The following PDGFC variants were observed in gnomAD, a reference collection of about 807,000 sequenced individuals.
The protein encoded by PDGFC is platelet-derived growth factor C.
A neutral mutation model predicts 35.5 loss-of-function variants in PDGFC; 12 were observed. The observed-to-expected ratio is 0.34, with a 90% confidence interval of 0.22 to 0.55. The LOEUF (loss-of-function observed/expected upper bound fraction) is 0.55. Ranked by LOEUF, PDGFC falls within the 20% of genes least tolerant of loss-of-function variation. The probability of loss-of-function intolerance (pLI) is 0.91; values close to 1 mark genes in which losing one functional copy is unlikely to be tolerated. For synonymous variants in PDGFC, 159 were observed against 148.8 expected (o/e 1.07, Z -0.50); for missense variants, 322 against 412.4 (o/e 0.78, Z 1.90).
chr4:156,809,487 G>A (rs1333964231), intron 3 of PDGFC, among the ~76,000 whole-genome samples: 3 of 151,960 alleles, frequency 2.0e-5, no homozygotes, highest in African/African-American at 7.2e-5. Flanking sequence ...TATTAGTTAA[G>A]CTGGGTGACT....
intron 2 of PDGFC, among the ~76,000 whole-genome samples, chr4:156,833,396 A>T (rs1728990717): frequency 6.6e-6 from 1 of 152,200 alleles, no homozygotes; most frequent in East Asian, 1.9e-4. Flanking sequence ...CTGCACAATG[A>T]AACAGAGAGA....
intron 1 of PDGFC, among the ~76,000 whole-genome samples, chr4:156,968,369 G>A (rs559261317): frequency 2.4e-4 from 37 of 152,270 alleles, no homozygotes; most frequent in South Asian, 6.2e-4. Context: ...GATCTTCTAC[G>A]TGGTATCCTC....
intron 1 of PDGFC, among the ~76,000 whole-genome samples, chr4:156,851,930 CAAAAAAAAAAA>C (rs61505882): frequency 8.4e-4 from 40 of 47,886 alleles, no homozygotes; most frequent in Non-Finnish European, 1.5e-3. Flanking sequence ...GACTCCATCT[CAAAAAAAAAAA>C]AAAAAAAAAA....
chr4:156,808,108 G>A (rs771862215), intron 3 of PDGFC, among the ~76,000 whole-genome samples: 5 of 151,904 alleles, frequency 3.3e-5, no homozygotes, highest in African/African-American at 4.8e-5. Context: ...AGTCTACTGC[G>A]TTCCGGTTTA....
chr4:156,966,370 T>C (rs904878806), intron 1 of PDGFC, among the ~76,000 whole-genome samples: 1 of 152,074 alleles, frequency 6.6e-6, no homozygotes, highest in African/African-American at 2.4e-5. Flanking sequence ...AGTAAGTAAA[T>C]GAAGGGACTT....
chr4:156,866,175 C>G (rs1373402596), intron 1 of PDGFC, among the ~76,000 whole-genome samples: 1 of 152,042 alleles, frequency 6.6e-6, no homozygotes, highest in Non-Finnish European at 1.5e-5. Context: ...TCTCATTGTT[C>G]AATTCCCACC....
At chr4:156,910,946 C>T (rs1442928106) in intron 1 of PDGFC, among the ~76,000 whole-genome samples, 3 of 152,032 alleles carry the variant, frequency 2.0e-5, no homozygotes, top group Non-Finnish European at 4.4e-5. Context: ...TACACAAATC[C>T]TTTGTCAGAT....
chr4:156,803,976 A>C (rs1448855907), intron 3 of PDGFC, among the ~76,000 whole-genome samples: 2 of 152,098 alleles, frequency 1.3e-5, no homozygotes, highest in Admixed American at 1.3e-4. Flanking sequence ...ACCGTTGACA[A>C]AATTGATAGT....
At chr4:156,920,649 ACACACACACACACACACACAC>A (rs1560873573) in intron 1 of PDGFC, among the ~76,000 whole-genome samples, 1,157 of 98,872 alleles carry the variant, frequency 0.012, 15 homozygotes, top group African/African-American at 0.037. Context: ...AAGAAAACAC[ACACACACACACACACACACAC>A]ACACACACAC....
At chr4:156,939,011 A>G (rs1446932496) in intron 1 of PDGFC, among the ~76,000 whole-genome samples, 1 of 152,190 alleles carries the variant, frequency 6.6e-6, no homozygotes, top group East Asian at 1.9e-4. Flanking sequence ...GGTCAAAACC[A>G]GTACAGAATA....
intron 1 of PDGFC, among the ~76,000 whole-genome samples, chr4:156,853,281 T>G (rs1038818487): frequency 6.6e-6 from 1 of 152,178 alleles, no homozygotes; most frequent in African/African-American, 2.4e-5. Context: ...AAATACAATT[T>G]AAGAATGTTG....
At chr4:156,970,117 C>T (rs751721244) in intron 1 of PDGFC, among the ~76,000 whole-genome samples, 7 of 152,132 alleles carry the variant, frequency 4.6e-5, no homozygotes, top group Non-Finnish European at 8.8e-5. Context: ...GAAAGTAATT[C>T]TCATTTCCTA....
chr4:156,764,278 C>T (rs1243617848), intron 5 of PDGFC, among the ~76,000 whole-genome samples: 2 of 152,208 alleles, frequency 1.3e-5, no homozygotes, highest in East Asian at 1.9e-4. Flanking sequence ...ACAGAGAATG[C>T]ATACCTCACT....
chr4:156,868,226 T>C (rs1024289432), intron 1 of PDGFC, among the ~76,000 whole-genome samples: 7 of 152,192 alleles, frequency 4.6e-5, no homozygotes, highest in Non-Finnish European at 1.0e-4. Context: ...AATCTGAAAG[T>C]TTTAGTGACA....
At chr4:156,792,793 G>A (rs985774143) in intron 3 of PDGFC, among the ~76,000 whole-genome samples, 8 of 152,098 alleles carry the variant, frequency 5.3e-5, no homozygotes, top group Middle Eastern at 3.2e-3. Flanking sequence ...CATTTTATAA[G>A]CACTACAATG....
Position 156,926,319 on chromosome 4 carries a change from T to C in PDGFC, c.118+44467A>G, listed in dbSNP as rs957603522. 1.8e-4 allele frequency among the ~76,000 whole-genome samples: 28 copies of C among 151,988 alleles called. 1 individual carries two copies. The highest frequency in any genetic ancestry group is 3.4e-3 in the Middle Eastern group (1 of 294). The stretch of plus-strand genomic sequence containing the variant: ...CTGACCATGATAGAACCAAGAAAAC[T>C]CAGGAAAAAAGAGATTATTTTCATG... On this transcript the variant is annotated intron_variant, in intron 1 of 5. Coordinates refer to ENST00000502773, the MANE Select transcript of PDGFC (RefSeq NM_016205.3).
intron 1 of PDGFC, among the ~76,000 whole-genome samples, chr4:156,875,352 GC>G (rs911714452): frequency 2.6e-5 from 4 of 152,098 alleles, no homozygotes; most frequent in African/African-American, 9.7e-5. Flanking sequence ...TATGATGCTA[GC>G]CACTGAGAAC....
intron 3 of PDGFC, among the ~76,000 whole-genome samples, chr4:156,802,105 C>A (rs576445591): frequency 1.7e-4 from 26 of 152,276 alleles, no homozygotes; most frequent in Admixed American, 5.2e-4. Context: ...CCTTTAAATA[C>A]TGAAGCCCTC....
At chr4:156,893,828 T>A (rs1469654323) in intron 1 of PDGFC, among the ~76,000 whole-genome samples, 1 of 152,194 alleles carries the variant, frequency 6.6e-6, no homozygotes, top group Non-Finnish European at 1.5e-5. Flanking sequence ...AAAATACGAA[T>A]TTTATAGACA....
Sources: gnomAD v4.1 joint callset for allele counts (sites outside exome capture counted in the v4.1 genomes callset) on GRCh38, gnomAD v4.1.1 for gene constraint, MANE v1.5 for transcripts, NCBI Gene and HGNC (gene_info 2026-07-23, HGNC 2026-07-21) for gene names.